Variants in SHISA9 observed in about 807,000 individuals in gnomAD.
The protein encoded by SHISA9 is protein shisa-9.
SHISA9 carries 13 observed loss-of-function variants against 38.0 expected under a neutral mutation model. That is an observed-to-expected ratio of 0.34 (90% CI 0.22 to 0.54). The LOEUF (loss-of-function observed/expected upper bound fraction) is 0.54, where lower values mean the gene tolerates loss of function less well. SHISA9 is among the 20% of genes least tolerant of loss of function. The probability of loss-of-function intolerance (pLI) is 0.91; values close to 1 mark genes in which losing one functional copy is unlikely to be tolerated. For synonymous variants in SHISA9, 275 were observed against 242.0 expected, an observed-to-expected ratio of 1.14 and a Z score of -1.27; for missense variants, 538 against 575.8, an observed-to-expected ratio of 0.93 and a Z score of 0.67.
At chr16:12,957,159 C>T (rs1054067468) in intron 2 of SHISA9, among the ~76,000 whole-genome samples, 2 of 152,106 alleles carry the variant, frequency 1.3e-5, no homozygotes, top group Non-Finnish European at 2.9e-5. Flanking sequence ...TTGGTGACTC[C>T]CTTTCACAGC....
intron 2 of SHISA9, among the ~76,000 whole-genome samples, chr16:13,042,302 C>G (rs944345160): frequency 6.6e-6 from 1 of 152,160 alleles, no homozygotes; most frequent in African/African-American, 2.4e-5. Context: ...TGAAACCATG[C>G]TTGTGGCTTC....
At chr16:12,999,692 G>A (rs903483042) in intron 2 of SHISA9, among the ~76,000 whole-genome samples, 21 of 152,174 alleles carry the variant, frequency 1.4e-4, no homozygotes, top group Admixed American at 7.2e-4. Context: ...AATATCCTAT[G>A]GCACCAGGGT....
the SHISA9 span, among the ~76,000 whole-genome samples, chr16:13,355,315 C>T: frequency 7.9e-5 from 12 of 151,676 alleles, no homozygotes; most frequent in Non-Finnish European, 1.5e-4. Flanking sequence ...GGGATATTGG[C>T]GTTGAGTGGG....
At chr16:13,485,274 G>A in the SHISA9 span, among the ~76,000 whole-genome samples, 10 of 151,852 alleles carry the variant, frequency 6.6e-5, no homozygotes, top group Admixed American at 3.9e-4. Context: ...TCCCACTTAT[G>A]AGTGAGAACA....
intron 2 of SHISA9, among the ~76,000 whole-genome samples, chr16:13,007,360 T>C (rs1390960588): frequency 6.6e-6 from 1 of 152,090 alleles, no homozygotes; most frequent in African/African-American, 2.4e-5. Flanking sequence ...CCACCCCCAA[T>C]AGGCCTCTAG....
At chr16:13,008,269 T>A (rs965014720) in intron 2 of SHISA9, among the ~76,000 whole-genome samples, 4 of 152,120 alleles carry the variant, frequency 2.6e-5, no homozygotes, top group Non-Finnish European at 5.9e-5. Context: ...GTTGTGACAG[T>A]GGTAACATGT....
intron 2 of SHISA9, among the ~76,000 whole-genome samples, chr16:12,984,420 C>G (rs1182574919): frequency 6.6e-6 from 1 of 152,180 alleles, no homozygotes; most frequent in Admixed American, 6.5e-5. Flanking sequence ...CAAATTCTCT[C>G]TTATTTACTG....
chr16:13,309,599 C>T, the SHISA9 span, among the ~76,000 whole-genome samples: 4 of 146,360 alleles, frequency 2.7e-5, no homozygotes, highest in South Asian at 2.2e-4. Context: ...GCCGAGATCA[C>T]GCCACTGTAC....
rs149556213 is a variant in SHISA9, at chr16:13,224,923, T to A, written c.896-10107T>A. Among the ~76,000 whole-genome samples, 222 of 152,232 alleles carry A rather than the reference T, an allele frequency of 1.5e-3. 1 individual carries two copies. Among genetic ancestry groups the A allele is most frequent in the Middle Eastern group, 3.4e-3 (1 of 294 alleles). On this transcript the variant is annotated intron_variant, in intron 4 of 4. Transcript: ENST00000558583. ...TTCAGGAACAGAAAGGAATCTCATG[T>A]ATAGTGGAATAGTACCCCCCTAAAT...
intron 2 of SHISA9, among the ~76,000 whole-genome samples, chr16:12,933,571 G>A (rs1460560688): frequency 6.6e-6 from 1 of 152,164 alleles, no homozygotes; most frequent in African/African-American, 2.4e-5. Flanking sequence ...GGGATTACAG[G>A]TGTGAGCCAC....
chr16:13,457,660 T>C, the SHISA9 span, among the ~76,000 whole-genome samples: 1 of 151,608 alleles, frequency 6.6e-6, no homozygotes, highest in Admixed American at 6.6e-5. Flanking sequence ...CATTTTACCA[T>C]CCGTAAGATT....
At chr16:13,196,430 A>G (rs1456937838) in intron 2 of SHISA9, among the ~76,000 whole-genome samples, 1 of 151,548 alleles carries the variant, frequency 6.6e-6, no homozygotes, top group Non-Finnish European at 1.5e-5. Flanking sequence ...AAAAAAGTCC[A>G]TTCTACAAGA....
intron 2 of SHISA9, among the ~76,000 whole-genome samples, chr16:13,149,599 C>T (rs2050479513): frequency 6.6e-6 from 1 of 152,026 alleles, no homozygotes; most frequent in Non-Finnish European, 1.5e-5. Flanking sequence ...CTTTTCCCAA[C>T]ATTAAAATGG....
the SHISA9 span, among the ~76,000 whole-genome samples, chr16:13,290,914 T>A: frequency 1.3e-5 from 2 of 152,274 alleles, no homozygotes; most frequent in Admixed American, 1.3e-4. Context: ...TAGAGCCCCA[T>A]CATTTAGCAC....
chr16:13,041,811 A>G (rs1263836350), intron 2 of SHISA9, among the ~76,000 whole-genome samples: 1 of 152,192 alleles, frequency 6.6e-6, no homozygotes, highest in Admixed American at 6.5e-5. Context: ...ATTCCAATTT[A>G]GTAGGTCTCT....
intron 2 of SHISA9, among the ~76,000 whole-genome samples, chr16:13,115,294 C>T (rs1276264571): frequency 1.3e-5 from 2 of 152,308 alleles, no homozygotes; most frequent in East Asian, 3.9e-4. Context: ...AATCAGGGGT[C>T]TCACAGCCTT....
chr16:13,060,869 T>G (rs2073367160), intron 2 of SHISA9, among the ~76,000 whole-genome samples: 1 of 152,084 alleles, frequency 6.6e-6, no homozygotes, highest in African/African-American at 2.4e-5. Flanking sequence ...TTAGAATGGG[T>G]TAGGGCTATG....
intron 2 of SHISA9, among the ~76,000 whole-genome samples, chr16:13,074,060 C>G (rs551212506): frequency 6.6e-6 from 1 of 150,710 alleles, no homozygotes; most frequent in Non-Finnish European, 1.5e-5. Context: ...ACCTCTACCT[C>G]CCAGGTTCAA....
chr16:13,456,851 T>C, the SHISA9 span, among the ~76,000 whole-genome samples: 2 of 152,210 alleles, frequency 1.3e-5, no homozygotes, highest in African/African-American at 4.8e-5. Flanking sequence ...TCCATGCTTA[T>C]CATCACATGT....
Sources: allele counts gnomAD v4.1 joint callset (sites outside exome capture counted in the v4.1 genomes callset), GRCh38; gene constraint gnomAD v4.1.1; transcripts MANE v1.5; gene names NCBI Gene and HGNC (gene_info 2026-07-23, HGNC 2026-07-21).